Variants in CDH3 observed in about 807,000 individuals in gnomAD.
CDH3 encodes cadherin-3.
A neutral mutation model predicts 82.0 loss-of-function variants in CDH3; 54 were observed. The ratio of observed to expected loss-of-function variants is 0.66; its 90% CI spans 0.53 to 0.83. The LOEUF (loss-of-function observed/expected upper bound fraction) is 0.83, where lower values mean the gene tolerates loss of function less well. CDH3 is among the 40% of genes least tolerant of loss of function. CDH3 has a pLI of 0.00. For missense variants in CDH3, 1,054 were observed against 1,084.6 expected (o/e 0.97, Z 0.40); for synonymous variants, 446 against 437.9 (o/e 1.02, Z -0.23).
intron 2 of CDH3, among the ~76,000 whole-genome samples, chr16:68,656,085 G>C (rs1960403369): frequency 6.6e-6 from 1 of 152,154 alleles, no homozygotes; most frequent in African/African-American, 2.4e-5. Context: ...ATTGAATCTG[G>C]CTGGATCATG....
chr16:68,652,145 T>C (rs1960268411), intron 2 of CDH3, among the ~76,000 whole-genome samples: 1 of 152,176 alleles, frequency 6.6e-6, no homozygotes, highest in African/African-American at 2.4e-5. Flanking sequence ...AATTAAACCC[T>C]GGTGTTTTGC....
At chr16:68,715,638 C>T (rs1233357415) in intron 1 of CDH3, among the ~76,000 whole-genome samples, 1 of 152,160 alleles carries the variant, frequency 6.6e-6, no homozygotes, top group Non-Finnish European at 1.5e-5. Context: ...TCTTGGTGCA[C>T]AGCATTTTAA....
chr16:68,658,673 A>G (rs1012403714), intron 2 of CDH3, among the ~76,000 whole-genome samples: 2 of 152,142 alleles, frequency 1.3e-5, no homozygotes, highest in Non-Finnish European at 2.9e-5. Flanking sequence ...AGGCCCACAC[A>G]CTGCCTTCTC....
downstream of CDH3, among the ~76,000 whole-genome samples, chr16:68,731,777 G>A (rs1962296066): frequency 6.6e-6 from 1 of 152,006 alleles, no homozygotes; most frequent in Non-Finnish European, 1.5e-5. Context: ...GGTAATGGCT[G>A]CAGTGAGCCG....
chr16:68,660,684 C>T (rs1260052569), intron 2 of CDH3, among the ~76,000 whole-genome samples: 4 of 152,120 alleles, frequency 2.6e-5, no homozygotes, highest in Admixed American at 2.0e-4. Flanking sequence ...ATAGGCTGGG[C>T]GCTGGGGCTC....
At chr16:68,678,735 C>T (rs1961111674) in intron 5 of CDH3, 27 bp from the exon 6 acceptor site, 1 of 1,614,038 alleles carries the variant, frequency 6.2e-7, no homozygotes, top group African/African-American at 1.3e-5. Flanking sequence ...TGGCACCGGG[C>T]TGACCCCAGA....
chr16:68,712,316 G>C (rs543130059), intron 1 of CDH3, among the ~76,000 whole-genome samples: 1 of 151,934 alleles, frequency 6.6e-6, no homozygotes, highest in African/African-American at 2.4e-5. Flanking sequence ...GATTACAGGC[G>C]TGAGCCATCA....
intron 1 of CDH3, among the ~76,000 whole-genome samples, chr16:68,708,987 C>T (rs1304853301): frequency 6.6e-6 from 1 of 151,952 alleles, no homozygotes; most frequent in Non-Finnish European, 1.5e-5. Flanking sequence ...CTATGTTGAC[C>T]AGACTGGTCT....
chr16:68,667,006 T>G (rs1291815557), intron 2 of CDH3, among the ~76,000 whole-genome samples: 1 of 152,148 alleles, frequency 6.6e-6, no homozygotes, highest in Non-Finnish European at 1.5e-5. Flanking sequence ...TGGGCTTGTT[T>G]AAGGCATTTT....
chr16:68,691,965 G>A (rs1314584753), intron 13 of CDH3, 39 bp downstream of exon 13: 5 of 1,534,012 alleles, frequency 3.3e-6, no homozygotes, highest in Non-Finnish European at 3.6e-6. Context: ...GAGGATGGGG[G>A]AGTTGAAAGA....
At chr16:68,660,803 C>T (rs1398440097) in intron 2 of CDH3, among the ~76,000 whole-genome samples, 1 of 151,908 alleles carries the variant, frequency 6.6e-6, no homozygotes, top group Non-Finnish European at 1.5e-5. Flanking sequence ...CTAAAAAACA[C>T]AAAAAATTAG....
Position 68,685,191 on chromosome 16 carries a change from C to CT in CDH3, c.1425-10dup. 1 of 1,613,898 alleles carries CT rather than the reference C, an allele frequency of 6.2e-7. No homozygotes were observed. Among genetic ancestry groups the CT allele is most frequent in the Non-Finnish European group, 8.5e-7 (1 of 1,179,962 alleles). ...AATATTCTGGATGTACTCGTCTCAA[C>CT]TTTTCCTCTCCAGCTACCGCATCCT... On this transcript the variant is annotated splice_polypyrimidine_tract_variant and intron_variant, in intron 10 of 15. Coordinates refer to ENST00000264012, the MANE Select transcript of CDH3 (RefSeq NM_001793.6).
At chr16:68,651,890 G>C (rs771703904) in intron 2 of CDH3, 39 of 429,212 alleles carry the variant, frequency 9.1e-5, no homozygotes, top group Non-Finnish European at 1.6e-4. Flanking sequence ...ATCTGGACAG[G>C]AGCCGGTTCT....
In CDH3 at chr16:68,682,330, T is replaced by G; in HGVS notation, c.1025T>G (p.Val342Gly). 1 of 1,613,958 alleles carries G rather than the reference T, an allele frequency of 6.2e-7. No individual in the cohort carries two copies. The highest frequency in any genetic ancestry group is 8.5e-7 in the Non-Finnish European group (1 of 1,180,010). ...KYEAHVPENA[V>G]GHEVQRLTVT... ...GAGGCCCATGTGCCTGAGAATGCAG[T>G]GGGCCATGAGGTGCAGAGGCTGACG... Residue 342 changes from valine (V) to glycine (G), a missense_variant, in exon 9 of 16, where the codon GTG becomes GGG. Physicochemically the swap from Val to Gly is moderately radical, Grantham distance 109 (BLOSUM62 -3). Transcript: ENST00000264012.
intron 2 of CDH3, among the ~76,000 whole-genome samples, chr16:68,658,084 GAGAC>G (rs1370516591): frequency 7.6e-5 from 9 of 118,768 alleles, no homozygotes; most frequent in Non-Finnish European, 1.5e-4. Flanking sequence ...TTTTTTTTTA[GAGAC>G]AGGGTCTCAC....
chr16:68,702,537 A>C (rs1274175223), downstream of CDH3, among the ~76,000 whole-genome samples: 1 of 152,096 alleles, frequency 6.6e-6, no homozygotes, highest in Non-Finnish European at 1.5e-5. Flanking sequence ...GACTTTTAAA[A>C]GGCAAAGTCC....
chr16:68,691,842 T>A lies in CDH3; in HGVS notation c.1918T>A (p.Cys640Ser). The A allele has an allele frequency of 6.2e-7, 1 of 1,614,158 alleles. No homozygotes were observed. Among genetic ancestry groups the A allele is most frequent in the Non-Finnish European group, 8.5e-7 (1 of 1,180,012 alleles). Residue 640 changes from cysteine (C) to serine (S), a missense_variant, in exon 13 of 16, where the codon TGC becomes AGC. Coordinates refer to ENST00000264012, the MANE Select transcript of CDH3 (RefSeq NM_001793.6). Reference sequence around the variant, plus strand: ...GGTGATCAGGGCCACTGTGTGCGACTGCCATGGCCATGTCGAAACCTGCCC... The same window carrying A: ...GGTGATCAGGGCCACTGTGTGCGACAGCCATGGCCATGTCGAAACCTGCCC... Reference protein sequence around the residue: ...LTVIRATVCDCHGHVETCPGP... With the variant: ...LTVIRATVCDSHGHVETCPGP...
chr16:68,672,204 A>T (rs994072740), intron 2 of CDH3, among the ~76,000 whole-genome samples: 5 of 148,772 alleles, frequency 3.4e-5, no homozygotes, highest in Non-Finnish European at 6.0e-5. Flanking sequence ...AAAAAAAAAA[A>T]TAAATAAATA....
rs138625160 is a variant in CDH3 at position 68,698,249 on chromosome 16, T to C, written c.2339T>C (p.Phe780Ser). The C allele has an allele frequency of 5.6e-6, 9 of 1,614,198 alleles. No individual in the cohort carries two copies. The South Asian group carries it at 9.9e-5, about 18-fold the overall frequency. The change falls in exon 16 of 16, where the codon TTC (phenylalanine) becomes TCC (serine). Residue 780 changes from phenylalanine to serine, a missense_variant. Transcript: ENST00000264012. ...CCGCCCTACGACACCCTCTTGGTGT[T>C]CGACTATGAGGGCAGCGGCTCCGAC... ...TAPPYDTLLV[F>S]DYEGSGSDAA... is the part of the protein sequence containing the mutation.
Sources: allele counts gnomAD v4.1 joint callset (sites outside exome capture counted in the v4.1 genomes callset), GRCh38; gene constraint gnomAD v4.1.1; transcripts MANE v1.5; gene names NCBI Gene and HGNC (gene_info 2026-07-23, HGNC 2026-07-21).